Variants in TJP1 observed in about 807,000 individuals in gnomAD.
The protein encoded by TJP1 is tight junction protein ZO-1.
Under a neutral mutation model 194.2 loss-of-function variants are expected in TJP1, and 43 were observed. The observed-to-expected ratio is 0.22, with a 90% CI of 0.17 to 0.29. TJP1 has a LOEUF of 0.29. Among genes scored for constraint, TJP1 ranks in the 10% least tolerant of loss-of-function variants. TJP1 has a pLI of 1.00. For synonymous variants in TJP1, 801 were observed against 779.0 expected (o/e 1.03, Z -0.47); for missense variants, 1,971 against 2,185.7 (o/e 0.90, Z 1.96).
chr15:29,879,643 C>G lies in TJP1; in HGVS notation c.306+76589G>C, dbSNP rs114461268. 3.0e-3 allele frequency among the ~76,000 whole-genome samples: 455 copies of G among 152,298 alleles called. 2 individuals are homozygous for G. The highest frequency in any genetic ancestry group is 0.011 in the African/African-American group (442 of 41,570). The stretch of plus-strand genomic sequence containing the variant: ...ACCATCAGTCACACTCCTCTGGCCA[C>G]CTGGTACCATAGTGATGGAATTGTG... On this transcript the variant is annotated intron_variant, in intron 2 of 28. Coordinates refer to the TJP1 transcript ENST00000356107.
At chr15:29,787,555 C>G (rs2047778136) in intron 2 of TJP1, among the ~76,000 whole-genome samples, 1 of 152,184 alleles carries the variant, frequency 6.6e-6, no homozygotes, top group Non-Finnish European at 1.5e-5. Flanking sequence ...ATATAACTCT[C>G]TATTCACCTA....
At chr15:29,828,653 A>G (rs962535942) in intron 2 of TJP1, among the ~76,000 whole-genome samples, 1 of 151,794 alleles carries the variant, frequency 6.6e-6, no homozygotes, top group African/African-American at 2.4e-5. Context: ...TCATTTGCCT[A>G]TTACATCACT....
At chr15:29,753,483 CAAAAAAAAAAAAA>C (rs34221786) in intron 8 of TJP1, among the ~76,000 whole-genome samples, 5 of 47,938 alleles carry the variant, frequency 1.0e-4, no homozygotes, top group African/African-American at 1.6e-4. Flanking sequence ...GACTCTGTGT[CAAAAAAAAAAAAA>C]AAAAAAAAAA....
intron 2 of TJP1, among the ~76,000 whole-genome samples, chr15:29,862,287 T>G (rs2052108881): frequency 6.6e-6 from 1 of 152,154 alleles, no homozygotes; most frequent in South Asian, 2.1e-4. Flanking sequence ...ACTTTTTGTT[T>G]CTGTTCTTCA....
chr15:29,783,117 T>C (rs2047475262), intron 2 of TJP1, among the ~76,000 whole-genome samples: 2 of 151,926 alleles, frequency 1.3e-5, no homozygotes, highest in African/African-American at 4.8e-5. Flanking sequence ...CTACTAAAAG[T>C]ACAAAAATTA....
At chr15:29,807,271 C>T (rs1478781242) in intron 1 of TJP1, among the ~76,000 whole-genome samples, 1 of 152,140 alleles carries the variant, frequency 6.6e-6, no homozygotes, top group Non-Finnish European at 1.5e-5. Flanking sequence ...AGATAAGCTG[C>T]TACATTAGCT....
Position 29,720,521 on chromosome 15 carries a change from C to T in TJP1, c.2600G>A (p.Gly867Glu). The T allele has an allele frequency of 1.9e-6, 3 of 1,614,046 alleles. 1 individual carries two copies. Among genetic ancestry groups the T allele is most frequent in the Middle Eastern group, 3.3e-4 (2 of 6,062 alleles). ...TGTAATGGCAGACTCCGGTGGAGTC[C>T]CAACCTCATCATTAAGAGTTTCATC... ...ELDETLNDEV[G>E]TPPESAITRS... Residue 867 changes from glycine to glutamate, a missense_variant, in exon 19 of 28, where the codon GGG (glycine) becomes GAG (glutamate). By Grantham distance (98) the Gly-to-Glu change is moderately conservative. This residue lies in a region of TJP1 where 1,108 missense variants were observed against 1,128.5 expected (regional missense o/e 0.98). Transcript: ENST00000614355.
intron 2 of TJP1, among the ~76,000 whole-genome samples, chr15:29,944,066 CTTTAAA>C (rs1311757105): frequency 6.6e-6 from 1 of 150,568 alleles, no homozygotes. Flanking sequence ...AGGTACTTGA[CTTTAAA>C]TTTATTTATT....
At chr15:29,855,647 G>T (rs147071126) in intron 2 of TJP1, among the ~76,000 whole-genome samples, 1 of 152,084 alleles carries the variant, frequency 6.6e-6, no homozygotes, top group Non-Finnish European at 1.5e-5. Context: ...CTTGAGGTCA[G>T]GAGTTCAAGA....
At position 29,762,317 on chromosome 15, in the gene TJP1, G is replaced by A. The variant is rs752222937; in HGVS notation, c.693+18C>T. ...GTTTTCTATTTCAGTTCATTAAAAA[G>A]TAAGAATATGATTATACCTTCAATA... On this transcript the variant is annotated intron_variant, in intron 6 of 27. Transcript: ENST00000614355. 6.3e-7 allele frequency: 1 copy of A among 1,584,012 alleles called. No individual in the cohort carries two copies. Among genetic ancestry groups the A allele is most frequent in the Non-Finnish European group, 8.6e-7 (1 of 1,157,374 alleles).
chr15:29,759,251 C>G (rs549114990), intron 8 of TJP1: 3 of 152,176 alleles, frequency 2.0e-5, no homozygotes, highest in Admixed American at 2.0e-4. Context: ...TCAGCTAACA[C>G]CTCTATGCAA....
At chr15:29,890,279 G>A (rs114598484) in intron 2 of TJP1, among the ~76,000 whole-genome samples, 60 of 152,284 alleles carry the variant, frequency 3.9e-4, no homozygotes, top group African/African-American at 1.3e-3. Flanking sequence ...AATTTGAAGC[G>A]AAATAAGAGA....
At chr15:29,953,140 A>ATGTTTTTTTTTTTTTTT (rs2055813966) in intron 2 of TJP1, among the ~76,000 whole-genome samples, 1 of 110,978 alleles carries the variant, frequency 9.0e-6, no homozygotes, top group Non-Finnish European at 1.8e-5. Context: ...AAGAAGACAG[A>ATGTTTTTTTTTTTTTTT]TTTTTTTTTT....
chr15:29,825,890 A>G (rs2050280375), upstream of TJP1, among the ~76,000 whole-genome samples: 1 of 152,218 alleles, frequency 6.6e-6, no homozygotes. Context: ...TCATGTAACA[A>G]TGTTAAATGG....
intron 2 of TJP1, among the ~76,000 whole-genome samples, chr15:29,794,747 A>T (rs1235314650): frequency 2.0e-5 from 3 of 152,230 alleles, no homozygotes; most frequent in Non-Finnish European, 4.4e-5. Context: ...TAGTAAGGAA[A>T]AGATGTAATG....
At chr15:29,723,299 G>A (rs1021840981) in intron 18 of TJP1, among the ~76,000 whole-genome samples, 15 of 152,190 alleles carry the variant, frequency 9.9e-5, no homozygotes, top group African/African-American at 2.4e-4. Context: ...TCACGAGGGC[G>A]GTTTCTAATG....
chr15:29,788,365 A>G (rs2151790125), intron 2 of TJP1, among the ~76,000 whole-genome samples: 1 of 152,292 alleles, frequency 6.6e-6, no homozygotes, highest in South Asian at 2.1e-4. Context: ...TTGACATCAT[A>G]TCCAATAAAC....
intron 2 of TJP1, among the ~76,000 whole-genome samples, chr15:29,911,710 G>C (rs1281074359): frequency 6.6e-6 from 1 of 152,150 alleles, no homozygotes; most frequent in Non-Finnish European, 1.5e-5. Context: ...CAACACTGTG[G>C]ATTATAATTT....
chr15:29,810,817 G>A (rs952753197), intron 1 of TJP1, among the ~76,000 whole-genome samples: 3 of 152,102 alleles, frequency 2.0e-5, no homozygotes, highest in South Asian at 4.2e-4. Flanking sequence ...AAAACAGCAC[G>A]TGCAAGAGCC....
Sources: allele counts gnomAD v4.1 joint callset (sites outside exome capture counted in the v4.1 genomes callset), GRCh38; gene constraint gnomAD v4.1.1; regional missense constraint gnomAD v4.1.1; transcripts MANE v1.5; gene names NCBI Gene and HGNC (gene_info 2026-07-23, HGNC 2026-07-21).